The following ADAMTSL3 variants were observed in gnomAD, a reference collection of about 807,000 sequenced individuals.
The protein encoded by ADAMTSL3 is ADAMTS like 3.
Under a neutral mutation model 201.7 loss-of-function variants are expected in ADAMTSL3, and 128 were observed. That is an observed-to-expected ratio of 0.63 (90% CI 0.55 to 0.73). The LOEUF (loss-of-function observed/expected upper bound fraction) is 0.73. ADAMTSL3 is among the 30% of genes least tolerant of loss of function. The pLI, the probability that ADAMTSL3 is intolerant of heterozygous loss-of-function variation, is 0.00. For synonymous variants in ADAMTSL3, 738 were observed against 748.4 expected (o/e 0.99, Z 0.23); for missense variants, 1,990 against 2,119.6 (o/e 0.94, Z 1.20).
At chr15:83,774,181 T>C (rs11259917) in intron 4 of ADAMTSL3, among the ~76,000 whole-genome samples, 25,489 of 152,238 alleles carry the variant, frequency 0.17, 2,459 homozygotes, top group Middle Eastern at 0.32. Context: ...GGTAATGCTT[T>C]ATGGGACAGT....
chr15:83,674,469 G>C (rs1216556517), intron 2 of ADAMTSL3, among the ~76,000 whole-genome samples: 3 of 151,580 alleles, frequency 2.0e-5, no homozygotes, highest in Non-Finnish European at 2.9e-5. Context: ...TTGTTCCATT[G>C]ATCTATGTAT....
intron 25 of ADAMTSL3, 86 bp downstream of exon 25, chr15:84,016,585 C>A (rs903438386): frequency 7.1e-5 from 81 of 1,147,436 alleles, no homozygotes; most frequent in Non-Finnish European, 9.2e-5. Flanking sequence ...CTGTATTTTT[C>A]ACTTTGCAAT....
chr15:83,924,292 C>T (rs1344731287), intron 17 of ADAMTSL3, among the ~76,000 whole-genome samples: 1 of 152,196 alleles, frequency 6.6e-6, no homozygotes, highest in African/African-American at 2.4e-5. Context: ...GGCCTGCTAC[C>T]CATAAAACCA....
chr15:83,727,677 A>G (rs2062200978), intron 3 of ADAMTSL3, among the ~76,000 whole-genome samples: 1 of 152,056 alleles, frequency 6.6e-6, no homozygotes, highest in South Asian at 2.1e-4. Context: ...ATAGTTTCCA[A>G]AATTCCTCTT....
At chr15:83,857,648 C>T (rs1280706875) in intron 7 of ADAMTSL3, among the ~76,000 whole-genome samples, 1 of 152,084 alleles carries the variant, frequency 6.6e-6, no homozygotes, top group African/African-American at 2.4e-5. Flanking sequence ...TATCTCTGGG[C>T]AATAGGGTTA....
intron 14 of ADAMTSL3, among the ~76,000 whole-genome samples, chr15:83,899,084 C>T (rs1223574997): frequency 6.6e-6 from 1 of 152,128 alleles, no homozygotes; most frequent in Non-Finnish European, 1.5e-5. Flanking sequence ...TTCCTTTCTT[C>T]ACATCAAGGA....
intron 9 of ADAMTSL3, among the ~76,000 whole-genome samples, chr15:83,874,781 A>C (rs1257102052): frequency 6.9e-6 from 1 of 144,110 alleles, no homozygotes; most frequent in African/African-American, 2.7e-5. Context: ...ACTGGCAGCA[A>C]TTAGGGCCCA....
At chr15:83,976,070 C>T (rs1292937398) in intron 20 of ADAMTSL3, among the ~76,000 whole-genome samples, 1 of 152,040 alleles carries the variant, frequency 6.6e-6, no homozygotes, top group East Asian at 1.9e-4. Context: ...TCTAAATTCC[C>T]GATGCCTGAT....
intron 3 of ADAMTSL3, among the ~76,000 whole-genome samples, chr15:83,747,118 G>C (rs547549477): frequency 6.6e-6 from 1 of 152,128 alleles, no homozygotes; most frequent in African/African-American, 2.4e-5. Context: ...AGGCTGCCCA[G>C]ATGATATGGT....
chr15:83,877,715 A>G (rs1026916062), intron 9 of ADAMTSL3, among the ~76,000 whole-genome samples: 2 of 152,232 alleles, frequency 1.3e-5, no homozygotes, highest in African/African-American at 4.8e-5. Flanking sequence ...CTTTTAAGTC[A>G]TAAATATGCC....
In ADAMTSL3 at chr15:83,913,330, G is replaced by A. The variant is rs569522400; in HGVS notation, c.1939G>A (p.Asp647Asn). Residue 647 changes from aspartate (D) to asparagine (N), a missense_variant, in exon 16 of 30, where the codon GAC (aspartate) becomes AAC (asparagine). Transcript: ENST00000286744. ...PLPEDSETTY[D>N]WEYAGFTPCT... ...CCCTGAGGACAGTGAGACGACTTAC[G>A]ACTGGGAGTACGCTGGGTTCACCCC... 1.7e-5 allele frequency: 27 copies of A among 1,613,736 alleles called. No individual in the cohort carries two copies. The East Asian group carries it at 4.7e-4, about 28-fold the overall frequency.
At chr15:84,015,194 T>A (rs2068070059) in intron 24 of ADAMTSL3, among the ~76,000 whole-genome samples, 1 of 152,174 alleles carries the variant, frequency 6.6e-6, no homozygotes, top group Non-Finnish European at 1.5e-5. Context: ...TCTGCCCGCC[T>A]TGGCCTCCCA....
intron 5 of ADAMTSL3, among the ~76,000 whole-genome samples, chr15:83,815,174 T>TA (rs778974297): frequency 2.0e-5 from 3 of 152,222 alleles, no homozygotes; most frequent in Non-Finnish European, 4.4e-5. Flanking sequence ...ACTTCCTTTT[T>TA]ATTACTTCTA....
chr15:83,704,768 G>A (rs543131888), intron 3 of ADAMTSL3, among the ~76,000 whole-genome samples: 5 of 152,254 alleles, frequency 3.3e-5, no homozygotes, highest in African/African-American at 4.8e-5. Context: ...TGATGGATTT[G>A]TTCATCTCAG....
chr15:83,883,937 G>A (rs972338769), intron 9 of ADAMTSL3, among the ~76,000 whole-genome samples: 1 of 150,176 alleles, frequency 6.7e-6, no homozygotes, highest in African/African-American at 2.5e-5. Flanking sequence ...TTGTTGCCCC[G>A]GCTGGAGTGC....
At chr15:83,843,251 TA>T (rs5814163) in intron 7 of ADAMTSL3, among the ~76,000 whole-genome samples, 15,983 of 151,556 alleles carry the variant, frequency 0.11, 1,532 homozygotes, top group African/African-American at 0.25. Context: ...TCCTTTTTTT[TA>T]AAAAAAATCA....
intron 14 of ADAMTSL3, among the ~76,000 whole-genome samples, chr15:83,898,369 G>T (rs1210212976): frequency 6.6e-6 from 1 of 152,096 alleles, no homozygotes; most frequent in Non-Finnish European, 1.5e-5. Flanking sequence ...AGACAAGAAA[G>T]AAGAGCAAGA....
chr15:83,832,519 C>T (rs564088454), intron 6 of ADAMTSL3, among the ~76,000 whole-genome samples: 24 of 152,266 alleles, frequency 1.6e-4, no homozygotes, highest in African/African-American at 2.2e-4. Flanking sequence ...TGTTCTTCCT[C>T]GGAAGTGACT....
At chr15:83,782,997 C>CAT (rs1374196833) in intron 4 of ADAMTSL3, among the ~76,000 whole-genome samples, 1 of 146,720 alleles carries the variant, frequency 6.8e-6, no homozygotes, top group Non-Finnish European at 1.5e-5. Flanking sequence ...TATATATACA[C>CAT]ATATATATTA....
Sources: allele counts gnomAD v4.1 joint callset (sites outside exome capture counted in the v4.1 genomes callset), GRCh38; gene constraint gnomAD v4.1.1; transcripts MANE v1.5; gene names NCBI Gene and HGNC (gene_info 2026-07-23, HGNC 2026-07-21).